Variants in SLC25A30 observed in about 807,000 individuals in gnomAD.
SLC25A30 encodes the protein solute carrier family 25 member 30.
SLC25A30 carries 29 observed loss-of-function variants against 42.7 expected under a neutral mutation model. That is an observed-to-expected ratio of 0.68 (90% CI 0.51 to 0.93). The LOEUF (loss-of-function observed/expected upper bound fraction) is 0.93, where lower values mean the gene tolerates loss of function less well. SLC25A30 is among the 40% of genes least tolerant of loss of function. The pLI, the probability that SLC25A30 is intolerant of heterozygous loss-of-function variation, is 0.00. For missense variants in SLC25A30, 300 were observed against 359.7 expected (o/e 0.83, Z 1.34); for synonymous variants, 124 against 131.0 (o/e 0.95, Z 0.37).
intron 8 of SLC25A30, 171 bp downstream of exon 8, chr13:45,398,769 T>G (rs975881034): frequency 1.9e-6 from 1 of 536,472 alleles, no homozygotes; most frequent in Admixed American, 3.9e-5. Context: ...GAAAACAACA[T>G]TGTATTTATA....
chr13:45,411,094 C>A (rs1270478778), intron 2 of SLC25A30, among the ~76,000 whole-genome samples: 3 of 151,328 alleles, frequency 2.0e-5, no homozygotes, highest in African/African-American at 7.3e-5. Flanking sequence ...CCTGTGCCAC[C>A]ACACCTGGCT....
chr13:45,402,793 A>C, intron 5 of SLC25A30: 1 of 985,430 alleles, frequency 1.0e-6, no homozygotes, highest in Non-Finnish European at 1.2e-6. Context: ...ATAGTTCTTA[A>C]ATTAGCTGCT....
At chr13:45,416,644 G>A (rs1005061332) in intron 1 of SLC25A30, among the ~76,000 whole-genome samples, 3 of 151,900 alleles carry the variant, frequency 2.0e-5, no homozygotes, top group Admixed American at 6.6e-5. Flanking sequence ...GGTGGTACGC[G>A]ACTCTAGTCC....
chr13:45,423,980 T>A, the SLC25A30 span, among the ~76,000 whole-genome samples: 3 of 88,124 alleles, frequency 3.4e-5, no homozygotes, highest in African/African-American at 1.4e-4. Flanking sequence ...TATAACAATA[T>A]ATATTTATAT....
chr13:45,406,047 T>A, intron 3 of SLC25A30, 70 bp from the exon 4 acceptor site: 1 of 1,371,586 alleles, frequency 7.3e-7, no homozygotes, highest in Non-Finnish European at 1.0e-6. Context: ...GCAACCCACA[T>A]GCAGAGTGCC....
rs373003418 is a variant in SLC25A30, at chr13:45,394,879, A to G, written c.*1095T>C. 62 of 985,354 alleles carry G rather than the reference A, an allele frequency of 6.3e-5. No individual in the cohort carries two copies. The highest frequency in any genetic ancestry group is 7.5e-5 in the Non-Finnish European group (62 of 829,946). 61.0% of individuals were successfully genotyped at this position (985,354 alleles called of 1,614,324 possible). A position where few individuals can be genotyped will look rare whatever the true frequency, so the allele number is the denominator to read the frequency against. ...GTCCAAGACAGGCACAACATAAACT[A>G]AAGTAAAAACTGGAAACCTGGAAAA... On this transcript the variant is annotated 3_prime_UTR_variant, in exon 10 of 10. Coordinates refer to ENST00000519676, the MANE Select transcript of SLC25A30 (RefSeq NM_001010875.4).
intron 3 of SLC25A30, 149 bp downstream of exon 3, chr13:45,408,778 G>T: frequency 1.7e-6 from 1 of 578,374 alleles, no homozygotes; most frequent in African/African-American, 1.9e-5. Flanking sequence ...AATTAGAGTT[G>T]AAATTAAAAG....
intron 8 of SLC25A30, 138 bp downstream of exon 8, chr13:45,398,802 A>C: frequency 1.2e-6 from 1 of 813,098 alleles, no homozygotes; most frequent in Non-Finnish European, 1.8e-6. Context: ...AGTGTGGCAA[A>C]AATGGTCTCA....
upstream of SLC25A30, among the ~76,000 whole-genome samples, chr13:45,423,059 C>T (rs1883928294): frequency 6.6e-6 from 1 of 152,046 alleles, no homozygotes; most frequent in Non-Finnish European, 1.5e-5. Flanking sequence ...ACAGTAAGCT[C>T]GTTGGGGTAG....
intron 2 of SLC25A30, 98 bp from the exon 3 acceptor site, chr13:45,409,172 T>C: frequency 1.2e-6 from 1 of 857,308 alleles, no homozygotes; most frequent in Non-Finnish European, 1.6e-6. Flanking sequence ...GACTACAATA[T>C]AAACTAAGAA....
chr13:45,428,709 G>A, the SLC25A30 span, among the ~76,000 whole-genome samples: 1,324 of 150,808 alleles, frequency 8.8e-3, 20 homozygotes, highest in African/African-American at 0.03. Context: ...TTTTAGTAGA[G>A]ACAGGGTTTC....
At chr13:45,426,411 C>T in the SLC25A30 span, among the ~76,000 whole-genome samples, 1 of 152,162 alleles carries the variant, frequency 6.6e-6, no homozygotes, top group Non-Finnish European at 1.5e-5. Context: ...TAAGTGGCTA[C>T]ATTTTAAATC....
In SLC25A30 at chr13:45,411,405, C is replaced by T. The variant is rs1317428528; in HGVS notation, c.21G>A (p.Lys7=). 2.5e-6 allele frequency: 4 copies of T among 1,614,060 alleles called. No individual in the cohort carries two copies. Among genetic ancestry groups the T allele is most frequent in the South Asian group, 2.2e-5 (2 of 91,090 alleles). Residue 7 remains lysine (K), a synonymous_variant, in exon 2 of 10, where the codon AAG becomes AAA. Coordinates refer to ENST00000519676, the MANE Select transcript of SLC25A30 (RefSeq NM_001010875.4). The part of the protein sequence containing the change: MSALNW[K]PFVYGGLASI... The stretch of plus-strand genomic sequence containing the variant: ...AGGCCAGCCCCCCGTACACAAACGG[C>T]TTCCAGTTGAGGGCTGACATTCTCA...
At chr13:45,422,908 C>T (rs1883923753), upstream of SLC25A30, among the ~76,000 whole-genome samples, 1 of 152,096 alleles carries the variant, frequency 6.6e-6, no homozygotes, top group Admixed American at 6.6e-5. Flanking sequence ...AGTTTGGACA[C>T]CATGTCCTCC....
intron 1 of SLC25A30, among the ~76,000 whole-genome samples, chr13:45,415,009 C>T (rs763611371): frequency 5.3e-5 from 8 of 152,152 alleles, no homozygotes; most frequent in South Asian, 2.1e-4. Flanking sequence ...ATTCCAGTGT[C>T]GGGCAGTGGC....
chr13:45,424,462 T>A, the SLC25A30 span, among the ~76,000 whole-genome samples: 1 of 73,460 alleles, frequency 1.4e-5, no homozygotes, highest in Non-Finnish European at 2.4e-5. Flanking sequence ...TATAAACATA[T>A]AAAAATATAT....
At chr13:45,405,411 C>G (rs144966403) in intron 4 of SLC25A30, among the ~76,000 whole-genome samples, 81 of 152,278 alleles carry the variant, frequency 5.3e-4, no homozygotes, top group Admixed American at 7.8e-4. Context: ...GTTCACCACT[C>G]TTACATAATA....
chr13:45,423,814 A>G, the SLC25A30 span, among the ~76,000 whole-genome samples: 7 of 56,000 alleles, frequency 1.3e-4, 1 homozygote, highest in Non-Finnish European at 2.0e-4. Context: ...ATATATATAA[A>G]AATATAAATA....
chr13:45,432,015 A>G, the SLC25A30 span, among the ~76,000 whole-genome samples: 3 of 152,008 alleles, frequency 2.0e-5, no homozygotes, highest in African/African-American at 7.3e-5. Context: ...CATACCTGTA[A>G]TCCTGGCACT....
Sources: allele counts gnomAD v4.1 joint callset (sites outside exome capture counted in the v4.1 genomes callset), GRCh38; gene constraint gnomAD v4.1.1; transcripts MANE v1.5; gene names NCBI Gene and HGNC (gene_info 2026-07-23, HGNC 2026-07-21).